SRPK1: variants seen among roughly 807,000 people sequenced by gnomAD.
SRPK1 encodes the protein SRSF protein kinase 1, also known as SFRS protein kinase 1.
SRPK1 carries 52 observed loss-of-function variants against 89.5 expected under a neutral mutation model. The ratio of observed to expected loss-of-function variants is 0.58; its 90% CI spans 0.46 to 0.73. The LOEUF is 0.73. Ranked by LOEUF, SRPK1 falls within the 30% of genes least tolerant of loss-of-function variation. The pLI is 0.00. For missense variants in SRPK1, 603 were observed against 780.6 expected (o/e 0.77, Z 2.71); for synonymous variants, 255 against 270.2 (o/e 0.94, Z 0.55).
chr6:35,850,550 G>A (rs994492095), intron 13 of SRPK1, among the ~76,000 whole-genome samples: 1 of 152,118 alleles, frequency 6.6e-6, no homozygotes, highest in African/African-American at 2.4e-5. Flanking sequence ...CTCACTTCCA[G>A]CTTTAAAAGT....
At chr6:35,838,787 G>A (rs1330540594) in intron 14 of SRPK1, 2 of 1,378,018 alleles carry the variant, frequency 1.5e-6, no homozygotes, top group Admixed American at 1.9e-5. Context: ...TCTATAATGT[G>A]CACAATGTGG....
rs1449071261 is a variant in SRPK1, at chr6:35,872,622, A to G, written c.692T>C (p.Leu231Pro). ...CTGCCATTCTGTTGCTTCTGCAGCC[A>G]GCCTCCGAATGTACTGCTCATTCAC... ...LSVNEQYIRR[L>P]AAEATEWQRS... Residue 231 changes from leucine to proline, a missense_variant, in exon 8 of 16, where the codon CTG becomes CCG. Coordinates refer to ENST00000373825, the MANE Select transcript of SRPK1 (RefSeq NM_003137.5). 6.2e-7 allele frequency: 1 copy of G among 1,612,426 alleles called. No homozygotes were observed.
At chr6:35,857,785 T>C (rs781303668) in intron 12 of SRPK1, among the ~76,000 whole-genome samples, 1 of 152,212 alleles carries the variant, frequency 6.6e-6, no homozygotes, top group Non-Finnish European at 1.5e-5. Context: ...CTCTTTAACC[T>C]TGCAATTTAC....
intron 10 of SRPK1, 123 bp downstream of exon 10, chr6:35,870,158 C>T: frequency 1.1e-6 from 1 of 919,194 alleles, no homozygotes; most frequent in Non-Finnish European, 1.6e-6. Flanking sequence ...ATGACAAGAT[C>T]CATATTCTTA....
chr6:35,898,200 G>T (rs774918189), intron 2 of SRPK1, among the ~76,000 whole-genome samples: 4 of 152,158 alleles, frequency 2.6e-5, no homozygotes, highest in Non-Finnish European at 4.4e-5. Flanking sequence ...GCCATGAAAA[G>T]GAATGAAATG....
In SRPK1 at chr6:35,848,121, G is replaced by A. The variant is rs187114415; in HGVS notation, c.1621-5517C>T. Among the ~76,000 whole-genome samples, 335 of 152,198 alleles carry A rather than the reference G, an allele frequency of 2.2e-3. 1 individual carries two copies. Among genetic ancestry groups the A allele is most frequent in the African/African-American group, 7.5e-3 (312 of 41,530 alleles). On this transcript the variant is annotated intron_variant, in intron 13 of 15. Transcript: ENST00000373825. ...CGGCCTTACTATTGTTAAAATGTCC[G>A]TACTACTCAAAGTGATCTATCAGAT...
intron 12 of SRPK1, 134 bp downstream of exon 12, chr6:35,868,876 A>T: frequency 1.5e-6 from 1 of 653,846 alleles, no homozygotes; most frequent in Non-Finnish European, 2.5e-6. Context: ...AGGTTTTTTT[A>T]AATGTAAAAA....
intron 13 of SRPK1, among the ~76,000 whole-genome samples, chr6:35,846,523 T>C (rs189938688): frequency 3.5e-4 from 52 of 146,534 alleles, no homozygotes; most frequent in African/African-American, 1.2e-3. Context: ...CACTCCAACC[T>C]GCGTCCTGCA....
At chr6:35,841,668 C>T (rs1769310335) in intron 14 of SRPK1, among the ~76,000 whole-genome samples, 1 of 151,896 alleles carries the variant, frequency 6.6e-6, no homozygotes, top group Admixed American at 6.6e-5. Flanking sequence ...CCCGTCTCTA[C>T]TAAAAATACA....
intron 2 of SRPK1, among the ~76,000 whole-genome samples, chr6:35,910,376 G>C (rs556001149): frequency 6.6e-6 from 1 of 152,262 alleles, no homozygotes; most frequent in East Asian, 1.9e-4. Flanking sequence ...ACCCAATCCA[G>C]AGCAAGGCCC....
intron 6 of SRPK1, among the ~76,000 whole-genome samples, chr6:35,880,095 T>A (rs1582014025): frequency 8.0e-5 from 10 of 125,056 alleles, no homozygotes; most frequent in Middle Eastern, 3.8e-3. Flanking sequence ...AAAAAAAAGC[T>A]CAAAGAACAA....
At position 35,842,723 on chromosome 6, in the gene SRPK1, A is replaced by AT. The variant is rs71652741; in HGVS notation, c.1621-120dup. ...GTTCCCTTGGGAAAACTTATAGATCATTTAAAAAAAAAAAAAAACAAAAAC... is the reference window on the plus strand; with the variant it reads ...GTTCCCTTGGGAAAACTTATAGATCATTTTAAAAAAAAAAAAAAACAAAAAC... On this transcript the variant is annotated intron_variant, in intron 13 of 15. Coordinates refer to ENST00000373825, the MANE Select transcript of SRPK1 (RefSeq NM_003137.5). 1.6e-5 allele frequency: 7 copies of AT among 445,494 alleles called. No individual in the cohort carries two copies. In the East Asian group the frequency reaches 1.8e-4, roughly 11 times the overall value. The allele number at this position is 445,494 out of a possible 1,614,324, so 27.6% of individuals were successfully genotyped here. A position where few individuals can be genotyped will look rare whatever the true frequency, so the allele number is the denominator to read the frequency against.
At position 35,920,190 on chromosome 6, in the gene SRPK1, C is replaced by T. The variant is rs1297806039; in HGVS notation, c.74+278G>A. 3 of 564,344 alleles carry T rather than the reference C, an allele frequency of 5.3e-6. No homozygotes were observed. The Admixed American group carries it at 6.6e-5, about 12-fold the overall frequency. 35.0% of individuals were successfully genotyped at this position (564,344 alleles called of 1,614,324 possible). ...TCCAAGCTAGGGGAGTTTGTGCCTC[C>T]TCTGTGGAGTTGGGGAGGAAAGGTA... On this transcript the variant is annotated intron_variant, in intron 2 of 15. Coordinates refer to ENST00000373825, the MANE Select transcript of SRPK1 (RefSeq NM_003137.5).
At chr6:35,870,566 A>C in intron 9 of SRPK1, 72 bp from the exon 10 acceptor site, 1 of 1,329,232 alleles carries the variant, frequency 7.5e-7, no homozygotes, top group Non-Finnish European at 1.0e-6. Context: ...GATAGTTGTT[A>C]ACTTTAATTA....
At chr6:35,847,080 TA>T (rs1769442147) in intron 13 of SRPK1, among the ~76,000 whole-genome samples, 1 of 152,240 alleles carries the variant, frequency 6.6e-6, no homozygotes. Context: ...GCTTTTCCTC[TA>T]AAATCCAGAA....
chr6:35,833,165 C>T lies in SRPK1; in HGVS notation c.*2139G>A, dbSNP rs1011986235. On this transcript the variant is annotated 3_prime_UTR_variant, in exon 16 of 16. Transcript: ENST00000373825. ...GCAAATAGAAATCCTTTAGTGAGAT[C>T]GTGGCAATTTGACAGTATTATAATT... is the stretch of plus-strand genomic sequence containing the variant. 2 of 152,566 alleles carry T rather than the reference C, an allele frequency of 1.3e-5. No individual in the cohort carries two copies. The highest frequency in any genetic ancestry group is 6.5e-5 in the Admixed American group (1 of 15,268). 9.5% of individuals were successfully genotyped at this position (152,566 alleles called of 1,614,324 possible). A position where few individuals can be genotyped will look rare whatever the true frequency, so the allele number is the denominator to read the frequency against.
intron 13 of SRPK1, among the ~76,000 whole-genome samples, chr6:35,852,476 T>C (rs1234929548): frequency 6.6e-6 from 1 of 152,176 alleles, no homozygotes; most frequent in East Asian, 1.9e-4. Context: ...TTGTATAGGA[T>C]AAGGAAATTG....
At chr6:35,891,617 CT>C (rs1179732885) in intron 2 of SRPK1, among the ~76,000 whole-genome samples, 1 of 151,528 alleles carries the variant, frequency 6.6e-6, no homozygotes, top group East Asian at 1.9e-4. Context: ...ATCCCAGCTA[CT>C]TGAGAGGCTG....
At chr6:35,883,628 C>CT (rs1378881049) in intron 6 of SRPK1, among the ~76,000 whole-genome samples, 1 of 151,764 alleles carries the variant, frequency 6.6e-6, no homozygotes, top group Non-Finnish European at 1.5e-5. Flanking sequence ...TAAAAAAAAA[C>CT]TTGACAGAAC....
Sources: allele counts gnomAD v4.1 joint callset (sites outside exome capture counted in the v4.1 genomes callset), GRCh38; gene constraint gnomAD v4.1.1; transcripts MANE v1.5; gene names NCBI Gene and HGNC (gene_info 2026-07-23, HGNC 2026-07-21).